The following NRXN3 variants were observed in gnomAD, a reference collection of about 807,000 sequenced individuals.
NRXN3 encodes the protein neurexin 3.
A neutral mutation model predicts 137.6 loss-of-function variants in NRXN3; 32 were observed. The observed-to-expected ratio is 0.23, with a 90% confidence interval of 0.18 to 0.31. NRXN3 has a LOEUF of 0.31. Among genes scored for constraint, NRXN3 ranks in the 10% least tolerant of loss-of-function variants. The pLI, the probability that NRXN3 is intolerant of heterozygous loss-of-function variation, is 1.00. For synonymous variants in NRXN3, 798 were observed against 784.5 expected (o/e 1.02, Z -0.29); for missense variants, 1,574 against 2,062.5 (o/e 0.76, Z 4.59).
chr14:79,218,740 G>T (rs2068980222), intron 15 of NRXN3, among the ~76,000 whole-genome samples: 1 of 152,134 alleles, frequency 6.6e-6, no homozygotes, highest in African/African-American at 2.4e-5. Flanking sequence ...AACAAAAAAG[G>T]TCAGAGAGCC....
chr14:78,424,229 G>A (rs540749267), intron 4 of NRXN3, among the ~76,000 whole-genome samples: 34 of 152,302 alleles, frequency 2.2e-4, no homozygotes, highest in African/African-American at 7.7e-4. Context: ...CCTCTGGCCT[G>A]CAGTGGGCAC....
chr14:79,227,212 G>C (rs2071089252), intron 15 of NRXN3, among the ~76,000 whole-genome samples: 1 of 152,110 alleles, frequency 6.6e-6, no homozygotes, highest in Admixed American at 6.6e-5. Flanking sequence ...GCACTTCGTA[G>C]GTACCTGGCG....
chr14:78,420,907 T>A (rs778436037), intron 4 of NRXN3, among the ~76,000 whole-genome samples: 150 of 152,264 alleles, frequency 9.9e-4, no homozygotes, highest in Non-Finnish European at 1.0e-3. Context: ...GTTACCTCCA[T>A]GGGGCAAAGG....
chr14:78,427,820 A>G (rs567958556), intron 4 of NRXN3, among the ~76,000 whole-genome samples: 10 of 152,278 alleles, frequency 6.6e-5, no homozygotes, highest in African/African-American at 2.2e-4. Context: ...AAGATAATAC[A>G]TCTTCCTTTT....
intron 16 of NRXN3, among the ~76,000 whole-genome samples, chr14:79,607,174 G>A (rs1403046804): frequency 6.6e-6 from 1 of 152,178 alleles, no homozygotes; most frequent in Non-Finnish European, 1.5e-5. Context: ...GTAGGTAATG[G>A]ACACAATAGA....
chr14:78,637,952 T>A (rs923794575), intron 4 of NRXN3, among the ~76,000 whole-genome samples: 10 of 152,250 alleles, frequency 6.6e-5, no homozygotes, highest in African/African-American at 1.9e-4. Context: ...AAAATGTAAC[T>A]TTTATTGTAA....
intron 16 of NRXN3, among the ~76,000 whole-genome samples, chr14:79,631,824 G>A (rs949282001): frequency 3.2e-5 from 4 of 125,896 alleles, no homozygotes; most frequent in Non-Finnish European, 6.3e-5. Flanking sequence ...AGCTAATCAG[G>A]TAGGGGACTT....
intron 15 of NRXN3, among the ~76,000 whole-genome samples, chr14:79,304,140 T>C (rs944234300): frequency 2.0e-5 from 3 of 152,034 alleles, no homozygotes; most frequent in Admixed American, 2.0e-4. Flanking sequence ...CATTTAGTCA[T>C]AGAGATTGGT....
chr14:78,225,974 G>GGTGTGTGT (rs71131635), intron 1 of NRXN3, among the ~76,000 whole-genome samples: 59 of 123,718 alleles, frequency 4.8e-4, no homozygotes, highest in Admixed American at 1.2e-3. Flanking sequence ...TGTGTGTGTT[G>GGTGTGTGT]GTGTGTGTGT....
At chr14:79,188,795 A>T (rs1342993034) in intron 15 of NRXN3, among the ~76,000 whole-genome samples, 1 of 152,206 alleles carries the variant, frequency 6.6e-6, no homozygotes, top group South Asian at 2.1e-4. Context: ...AGTGCTCACC[A>T]TCACTGGCCA....
chr14:79,190,005 T>C (rs941253106), intron 15 of NRXN3, among the ~76,000 whole-genome samples: 1 of 152,134 alleles, frequency 6.6e-6, no homozygotes, highest in African/African-American at 2.4e-5. Context: ...AAGAAGCACA[T>C]TGCATTTTGG....
At chr14:78,407,787 G>A (rs200813546) in intron 4 of NRXN3, among the ~76,000 whole-genome samples, 11 of 152,214 alleles carry the variant, frequency 7.2e-5, no homozygotes, top group East Asian at 5.8e-4. Context: ...CAACGAAGTC[G>A]TATTGATTTT....
intron 19 of NRXN3, among the ~76,000 whole-genome samples, chr14:79,802,415 C>T (rs962311552): frequency 6.6e-6 from 1 of 152,084 alleles, no homozygotes; most frequent in Non-Finnish European, 1.5e-5. Flanking sequence ...ATAAGTTTTC[C>T]CCCTAATTGC....
intron 4 of NRXN3, among the ~76,000 whole-genome samples, chr14:78,523,553 A>G (rs2096317917): frequency 6.7e-6 from 1 of 150,000 alleles, no homozygotes; most frequent in Non-Finnish European, 1.5e-5. Context: ...TAATCCCAGC[A>G]CTTTGGGAGG....
At chr14:78,992,033 G>A (rs974518025) in intron 15 of NRXN3, among the ~76,000 whole-genome samples, 1 of 152,192 alleles carries the variant, frequency 6.6e-6, no homozygotes, top group African/African-American at 2.4e-5. Context: ...GTATAAGAGT[G>A]ACTCCCTTGT....
chr14:79,495,037 G>A (rs1038914360), intron 16 of NRXN3, among the ~76,000 whole-genome samples: 14 of 152,182 alleles, frequency 9.2e-5, no homozygotes, highest in Admixed American at 2.6e-4. Context: ...TTGGGCGTCA[G>A]TCTCTTTCTT....
intron 15 of NRXN3, among the ~76,000 whole-genome samples, chr14:79,114,413 T>C (rs574357497): frequency 1.3e-5 from 2 of 152,254 alleles, no homozygotes; most frequent in South Asian, 4.1e-4. Context: ...TAGGCTAGAG[T>C]GCAGTAGCAC....
chr14:78,864,719 A>T (rs2099082081), intron 10 of NRXN3, among the ~76,000 whole-genome samples: 1 of 152,166 alleles, frequency 6.6e-6, no homozygotes, highest in Non-Finnish European at 1.5e-5. Flanking sequence ...GAAACAGGGA[A>T]TCCTGTGTAT....
At chr14:79,714,701 AGT>A (rs912214458) in intron 19 of NRXN3, among the ~76,000 whole-genome samples, 1 of 152,174 alleles carries the variant, frequency 6.6e-6, no homozygotes, top group African/African-American at 2.4e-5. Context: ...AGGAAATTAA[AGT>A]GTGATTGTGT....
Sources: gnomAD v4.1 joint callset for allele counts (sites outside exome capture counted in the v4.1 genomes callset) on GRCh38, gnomAD v4.1.1 for gene constraint, MANE v1.5 for transcripts, NCBI Gene and HGNC (gene_info 2026-07-23, HGNC 2026-07-21) for gene names.